The following GRB10 variants were observed in gnomAD, a reference collection of about 807,000 sequenced individuals.
GRB10 encodes growth factor receptor-bound protein 10.
Under a neutral mutation model 80.9 loss-of-function variants are expected in GRB10, and 20 were observed. The observed-to-expected ratio is 0.25, with a 90% CI of 0.17 to 0.36. The LOEUF is 0.36. GRB10 is among the 10% of genes least tolerant of loss of function. GRB10 has a pLI of 1.00. For synonymous variants in GRB10, 291 were observed against 291.5 expected, an observed-to-expected ratio of 1.00 and a Z score of 0.02; for missense variants, 548 against 747.7, an observed-to-expected ratio of 0.73 and a Z score of 3.12.
chr7:50,604,890 G>T (rs1224392819), intron 15 of GRB10: 2 of 297,096 alleles, frequency 6.7e-6, no homozygotes, highest in Admixed American at 4.9e-5. Flanking sequence ...CCTCAGGGGT[G>T]AGGGAGTGGC....
chr7:50,605,253 G>A (rs2048330484), intron 15 of GRB10, 37 bp downstream of exon 15: 6 of 1,501,618 alleles, frequency 4.0e-6, no homozygotes, highest in Non-Finnish European at 5.5e-6. Flanking sequence ...ACCACCTTGA[G>A]GGTGCCCCTC....
chr7:50,684,884 G>A (rs555438907), intron 5 of GRB10, among the ~76,000 whole-genome samples: 2 of 152,262 alleles, frequency 1.3e-5, no homozygotes, highest in South Asian at 2.1e-4. Context: ...AGAAGCAGAA[G>A]TACAAGAAAC....
chr7:50,619,695 G>A (rs1345548958), intron 8 of GRB10, among the ~76,000 whole-genome samples: 5 of 152,194 alleles, frequency 3.3e-5, no homozygotes, highest in Admixed American at 1.3e-4. Flanking sequence ...CCAAGAAGGT[G>A]CAGAGATGGA....
chr7:50,602,256 C>G (rs1419953340), intron 17 of GRB10, among the ~76,000 whole-genome samples: 1 of 152,200 alleles, frequency 6.6e-6, no homozygotes, highest in Non-Finnish European at 1.5e-5. Context: ...TAATGAAATA[C>G]TGAACCTGGG....
At chr7:50,791,915 A>C (rs2078933876) in intron 1 of GRB10, among the ~76,000 whole-genome samples, 1 of 152,224 alleles carries the variant, frequency 6.6e-6, no homozygotes, top group African/African-American at 2.4e-5. Context: ...TCACAGCCAG[A>C]AGTCCCACTG....
At position 50,692,808 on chromosome 7, in the gene GRB10, C is replaced by T. The variant is rs144473102; in HGVS notation, c.139+11013G>A. ...ACAATATATAAAATAATGCTCGCAA[C>T]AGGCAGCTTATACATATAGGTGTGT... On this transcript the variant is annotated intron_variant, in intron 5 of 18. Coordinates refer to ENST00000401949, the MANE Select transcript of GRB10 (RefSeq NM_001350814.2). 8.1e-3 allele frequency among the ~76,000 whole-genome samples: 1,228 copies of T among 152,226 alleles called. 10 individuals carry two copies. The highest frequency in any genetic ancestry group is 0.028 in the African/African-American group (1,165 of 41,498).
chr7:50,792,712 TCCCGGACG>T (rs1027407829), intron 1 of GRB10: 29 of 350,412 alleles, frequency 8.3e-5, no homozygotes, highest in East Asian at 2.1e-4. Context: ...GGCACCACTG[TCCCGGACG>T]CCCGGACGCC....
chr7:50,687,365 A>G (rs1196639014), intron 5 of GRB10, among the ~76,000 whole-genome samples: 1 of 152,204 alleles, frequency 6.6e-6, no homozygotes, highest in Non-Finnish European at 1.5e-5. Flanking sequence ...CGTAGGCTCC[A>G]GGAGTGACAC....
At chr7:50,677,899 G>A (rs1324829899) in intron 5 of GRB10, among the ~76,000 whole-genome samples, 1 of 152,174 alleles carries the variant, frequency 6.6e-6, no homozygotes, top group Non-Finnish European at 1.5e-5. Context: ...GTGTGCTGTG[G>A]GGCCACTCTG....
intron 7 of GRB10, among the ~76,000 whole-genome samples, chr7:50,642,696 A>G (rs1432189620): frequency 1.3e-5 from 2 of 152,012 alleles, no homozygotes; most frequent in Non-Finnish European, 2.9e-5. Flanking sequence ...AAAAATCCGA[A>G]CTCTGAAACA....
At chr7:50,658,466 G>A (rs565515441) in intron 7 of GRB10, among the ~76,000 whole-genome samples, 1 of 152,302 alleles carries the variant, frequency 6.6e-6, no homozygotes, top group South Asian at 2.1e-4. Flanking sequence ...TGAAAGCACT[G>A]ATGGCCACCG....
intron 3 of GRB10, among the ~76,000 whole-genome samples, chr7:50,750,681 C>A (rs1233266115): frequency 6.6e-6 from 1 of 152,182 alleles, no homozygotes; most frequent in Non-Finnish European, 1.5e-5. Context: ...AGTCAAACAG[C>A]CTGTTGTCAA....
chr7:50,590,478 T>C lies in GRB10; in HGVS notation c.*2474A>G, dbSNP rs1425253840. On this transcript the variant is annotated 3_prime_UTR_variant, in exon 19 of 19. Transcript: ENST00000401949. ...CTCTAACACCTAGTGTAACAGAGCT[T>C]ACCTATTAAACTCTAATAACCAAAG... is the stretch of plus-strand genomic sequence containing the variant. 1 of 152,528 alleles carries C rather than the reference T, an allele frequency of 6.6e-6. No homozygotes were observed. Among genetic ancestry groups the C allele is most frequent in the Non-Finnish European group, 1.5e-5 (1 of 68,040 alleles). 9.4% of individuals were successfully genotyped at this position (152,528 alleles called of 1,614,324 possible). A position where few individuals can be genotyped will look rare whatever the true frequency, so the allele number is the denominator to read the frequency against.
chr7:50,677,406 G>C (rs886257780), intron 5 of GRB10, among the ~76,000 whole-genome samples: 1 of 152,122 alleles, frequency 6.6e-6, no homozygotes, highest in Non-Finnish European at 1.5e-5. Context: ...TGAGCTACCC[G>C]AGGCCCAGAA....
At position 50,606,343 on chromosome 7, in the gene GRB10, C is replaced by T. The variant is rs368078458; in HGVS notation, c.1266G>A (p.Thr422=). 131 of 1,613,312 alleles carry T rather than the reference C, an allele frequency of 8.1e-5. No individual in the cohort carries two copies. In the Admixed American group the frequency reaches 1.1e-3, roughly 13 times the overall value. The change falls in exon 14 of 19, where the codon ACG becomes ACA. Residue 422 remains threonine (T), a synonymous_variant. Transcript: ENST00000401949. ...AGCTCCTGGCTTTACTTACCACTGG[C>T]GTCGAGAACGGGGACAGCAAGGCCT... ...QRKALLSPFS[T]PVRSVSENSL...
chr7:50,745,195 G>A (rs1357400128), intron 3 of GRB10, among the ~76,000 whole-genome samples: 1 of 152,060 alleles, frequency 6.6e-6, no homozygotes, highest in Non-Finnish European at 1.5e-5. Context: ...AATCCATGTT[G>A]TTCAAGAGTC....
In GRB10 at chr7:50,627,019, G is replaced by A. The variant is rs182081093; in HGVS notation, c.505-41C>T. 5.9e-5 allele frequency: 95 copies of A among 1,600,286 alleles called. No individual in the cohort carries two copies. In the East Asian group the frequency reaches 1.4e-3, roughly 24 times the overall value. Reference sequence around the variant, plus strand: ...GGGATAGTTACAGATAAACAACTTCGGGCTTTCAAGAAATAAAAACTGAAA... The same window carrying A: ...GGGATAGTTACAGATAAACAACTTCAGGCTTTCAAGAAATAAAAACTGAAA... On this transcript the variant is annotated intron_variant, in intron 7 of 18. Transcript: ENST00000401949.
intron 4 of GRB10, among the ~76,000 whole-genome samples, chr7:50,728,697 G>C (rs977703749): frequency 6.6e-6 from 1 of 152,138 alleles, no homozygotes; most frequent in Non-Finnish European, 1.5e-5. Context: ...TTGAGACCGG[G>C]TCTTGCTCTG....
chr7:50,671,889 A>T (rs1418786642), intron 6 of GRB10, among the ~76,000 whole-genome samples: 1 of 152,236 alleles, frequency 6.6e-6, no homozygotes, highest in South Asian at 2.1e-4. Context: ...AAAAATCCCC[A>T]CCAAAGAGGC....
Sources: allele counts gnomAD v4.1 joint callset (sites outside exome capture counted in the v4.1 genomes callset), GRCh38; gene constraint gnomAD v4.1.1; transcripts MANE v1.5; gene names NCBI Gene and HGNC (gene_info 2026-07-23, HGNC 2026-07-21).